The following UXS1 variants were observed in gnomAD, a reference collection of about 807,000 sequenced individuals.
UXS1 encodes UDP-glucuronate decarboxylase 1.
UXS1 carries 33 observed loss-of-function variants against 62.6 expected under a neutral mutation model. That is an observed-to-expected ratio of 0.53 (90% CI 0.40 to 0.70). The LOEUF (loss-of-function observed/expected upper bound fraction) is 0.70, where lower values mean the gene tolerates loss of function less well. Ranked by LOEUF, UXS1 falls within the 30% of genes least tolerant of loss-of-function variation. The pLI is 0.00. For missense variants in UXS1, 434 were observed against 556.3 expected (o/e 0.78, Z 2.21); for synonymous variants, 213 against 206.8 (o/e 1.03, Z -0.26).
At chr2:106,097,502 GA>G in intron 13 of UXS1, 1 of 331,524 alleles carries the variant, frequency 3.0e-6, no homozygotes, top group Non-Finnish European at 6.1e-6. Flanking sequence ...GGTGGTTCAG[GA>G]TGGTCTGTCA....
At position 106,194,131 on chromosome 2, in the gene UXS1, A is replaced by C; in HGVS notation, c.94+17T>G. 1 of 1,463,728 alleles carries C rather than the reference A, an allele frequency of 6.8e-7. No homozygotes were observed. Among genetic ancestry groups the C allele is most frequent in the Non-Finnish European group, 9.0e-7 (1 of 1,105,544 alleles). 90.7% of individuals were successfully genotyped at this position (1,463,728 alleles called of 1,614,324 possible). A position where few individuals can be genotyped will look rare whatever the true frequency, so the allele number is the denominator to read the frequency against. ...GAATGAATGGGGCTCCCCAGCTGGC[A>C]GCGGGCGCGCACTCACAGGCGACGT... On this transcript the variant is annotated intron_variant, in intron 1 of 14. Coordinates refer to ENST00000283148, the MANE Select transcript of UXS1 (RefSeq NM_001253875.2).
chr2:106,114,135 C>T (rs1385681210), intron 9 of UXS1, among the ~76,000 whole-genome samples: 3 of 152,166 alleles, frequency 2.0e-5, no homozygotes, highest in East Asian at 3.8e-4. Flanking sequence ...GCCGCCACCT[C>T]GGCCCACAGC....
intron 12 of UXS1, among the ~76,000 whole-genome samples, chr2:106,100,616 G>A (rs149139461): frequency 1.3e-5 from 2 of 152,306 alleles, no homozygotes; most frequent in African/African-American, 4.8e-5. Flanking sequence ...AGGCATGCAG[G>A]GAAGGCGAGA....
At chr2:106,183,551 A>G (rs1434890561) in intron 1 of UXS1, 1 of 152,224 alleles carries the variant, frequency 6.6e-6, no homozygotes, top group East Asian at 1.9e-4. Context: ...TTAACTCCAA[A>G]TTCACTCTTG....
At chr2:106,182,914 C>G (rs1455706469) in intron 1 of UXS1, among the ~76,000 whole-genome samples, 1 of 152,068 alleles carries the variant, frequency 6.6e-6, no homozygotes, top group Non-Finnish European at 1.5e-5. Flanking sequence ...GAATTAAGAA[C>G]CTAGGATAGA....
At chr2:106,104,549 C>T (rs1467087450) in intron 11 of UXS1, among the ~76,000 whole-genome samples, 3 of 152,340 alleles carry the variant, frequency 2.0e-5, no homozygotes, top group Admixed American at 1.3e-4. Context: ...TTCACCCACA[C>T]ACCGCTAGGT....
intron 11 of UXS1, chr2:106,101,488 G>A (rs1035949175): frequency 1.1e-5 from 2 of 181,132 alleles, no homozygotes; most frequent in African/African-American, 4.7e-5. Context: ...GTTTACATAA[G>A]TTTCCAAAGA....
chr2:106,123,310 A>T (rs901849835), intron 8 of UXS1, among the ~76,000 whole-genome samples: 9 of 152,206 alleles, frequency 5.9e-5, no homozygotes, highest in Non-Finnish European at 1.0e-4. Flanking sequence ...GAAAAAAAAA[A>T]AGAAAAAGAT....
chr2:106,181,182 G>A (rs1181201334), intron 1 of UXS1, among the ~76,000 whole-genome samples: 5 of 152,144 alleles, frequency 3.3e-5, no homozygotes, highest in African/African-American at 4.8e-5. Flanking sequence ...TCACCAGTGA[G>A]GCTAAGCATC....
intron 6 of UXS1, among the ~76,000 whole-genome samples, chr2:106,141,461 GTTTA>G (rs1256351299): frequency 2.0e-5 from 3 of 152,120 alleles, no homozygotes; most frequent in East Asian, 1.9e-4. Flanking sequence ...CCATTTTTAT[GTTTA>G]TTTATTTATT....
intron 6 of UXS1, among the ~76,000 whole-genome samples, chr2:106,131,248 G>A (rs1463511155): frequency 1.3e-5 from 2 of 148,974 alleles, no homozygotes; most frequent in African/African-American, 5.0e-5. Context: ...CTGGCTGAGA[G>A]GGTCCTACGC....
chr2:106,126,902 T>C (rs1251201484), intron 7 of UXS1, among the ~76,000 whole-genome samples: 1 of 152,126 alleles, frequency 6.6e-6, no homozygotes, highest in Non-Finnish European at 1.5e-5. Context: ...CTACAGCCTC[T>C]CCTCGCTCCC....
At chr2:106,149,195 A>G (rs570034272) in intron 5 of UXS1, among the ~76,000 whole-genome samples, 104 of 152,334 alleles carry the variant, frequency 6.8e-4, no homozygotes, top group African/African-American at 2.3e-3. Context: ...AGGGGAAAAA[A>G]AAAACTAAGT....
chr2:106,114,761 C>G (rs1678929076), intron 9 of UXS1, among the ~76,000 whole-genome samples: 1 of 152,212 alleles, frequency 6.6e-6, no homozygotes. Context: ...CAACAGAGGG[C>G]AGCCCTTCTA....
At chr2:106,176,369 T>G (rs913395245) in intron 1 of UXS1, among the ~76,000 whole-genome samples, 6 of 152,274 alleles carry the variant, frequency 3.9e-5, no homozygotes, top group African/African-American at 1.4e-4. Context: ...ATATGCATCA[T>G]TCTTCTAAGA....
intron 14 of UXS1, among the ~76,000 whole-genome samples, chr2:106,095,386 A>C (rs1676991147): frequency 6.6e-6 from 1 of 152,212 alleles, no homozygotes; most frequent in Non-Finnish European, 1.5e-5. Context: ...AAATTTCTGC[A>C]GTTTTTAGCA....
At position 106,129,821 on chromosome 2, in the gene UXS1, C is replaced by A. The variant is rs912150604; in HGVS notation, c.473-43G>T. The A allele has an allele frequency of 1.3e-5, 17 of 1,305,162 alleles. No individual in the cohort carries two copies. In the Admixed American group the frequency reaches 1.4e-4, roughly 11 times the overall value. 80.8% of individuals were successfully genotyped at this position (1,305,162 alleles called of 1,614,324 possible). On this transcript the variant is annotated intron_variant, in intron 6 of 14. Transcript: ENST00000283148. The stretch of plus-strand genomic sequence containing the variant: ...GAAGCCTATTACTTCAAAAAAGCAC[C>A]AAAAAAATACTGACCTCCTAGGATA...
chr2:106,122,096 G>C (rs952713200), intron 9 of UXS1, among the ~76,000 whole-genome samples: 1 of 152,178 alleles, frequency 6.6e-6, no homozygotes. Context: ...CTGCAGACTG[G>C]GCCCTGGGCC....
intron 13 of UXS1, chr2:106,097,161 G>A (rs1007017142): frequency 1.0e-5 from 5 of 479,018 alleles, no homozygotes; most frequent in Non-Finnish European, 1.7e-5. Context: ...AAGTGCAGAC[G>A]TGCCCACCGA....
Sources: allele counts gnomAD v4.1 joint callset (sites outside exome capture counted in the v4.1 genomes callset), GRCh38; gene constraint gnomAD v4.1.1; transcripts MANE v1.5; gene names NCBI Gene and HGNC (gene_info 2026-07-23, HGNC 2026-07-21).